DACH2: variants seen among roughly 807,000 people sequenced by gnomAD.
DACH2 encodes the protein dachshund family transcription factor 2.
Under a neutral mutation model 35.8 loss-of-function variants are expected in DACH2, and 17 were observed. The observed-to-expected ratio is 0.48, with a 90% confidence interval of 0.33 to 0.71. The LOEUF (loss-of-function observed/expected upper bound fraction) is 0.71, where lower values mean the gene tolerates loss of function less well. Ranked by LOEUF, DACH2 falls within the 30% of genes least tolerant of loss-of-function variation. The pLI is 0.02. For synonymous variants in DACH2, 195 were observed against 177.3 expected, an observed-to-expected ratio of 1.10 and a Z score of -0.79; for missense variants, 469 against 472.7, an observed-to-expected ratio of 0.99 and a Z score of 0.07.
chrX:86,180,157 CT>C (rs2031431099), intron 1 of DACH2, among the ~76,000 whole-genome samples: 2 of 63,844 alleles, frequency 3.1e-5, no homozygotes, highest in African/African-American at 5.4e-5. Context: ...TTAATGTCCC[CT>C]AGCAACCATG....
intron 1 of DACH2, among the ~76,000 whole-genome samples, chrX:86,182,454 A>G (rs2031526141): frequency 2.7e-5 from 3 of 111,801 alleles, no homozygotes; most frequent in African/African-American, 9.8e-5. Flanking sequence ...TCCTTTCCCC[A>G]TTGCTTGTTT....
At chrX:86,161,018 C>T (rs1353066152) in intron 1 of DACH2, 4 of 974,420 alleles carry the variant, frequency 4.1e-6, no homozygotes, top group South Asian at 3.9e-5. Flanking sequence ...CTTTCCATCC[C>T]TTGAACGAAG....
chrX:86,747,792 A>T (rs775721466), intron 7 of DACH2, among the ~76,000 whole-genome samples: 1 of 111,564 alleles, frequency 9.0e-6, no homozygotes, highest in Non-Finnish European at 1.9e-5. Flanking sequence ...GAAGTTTGCC[A>T]CATCAATTGA....
At chrX:86,787,955 C>G (rs2042153836) in intron 7 of DACH2, among the ~76,000 whole-genome samples, 2 of 111,064 alleles carry the variant, frequency 1.8e-5, no homozygotes, top group Non-Finnish European at 3.8e-5. Context: ...GAGGGCCAAG[C>G]GGGCAACTTG....
chrX:86,755,766 T>G (rs895647793), intron 7 of DACH2, among the ~76,000 whole-genome samples: 60 of 108,069 alleles, frequency 5.6e-4, no homozygotes, highest in African/African-American at 1.9e-3. Flanking sequence ...CCCGGCTAAT[T>G]TTTTGTATTT....
chrX:86,210,373 A>G (rs1458432239), intron 1 of DACH2, among the ~76,000 whole-genome samples: 1 of 111,289 alleles, frequency 9.0e-6, no homozygotes, highest in Non-Finnish European at 1.9e-5. Flanking sequence ...GGATGTGTAT[A>G]ATTTTTCTGA....
At chrX:86,433,295 A>G (rs1216585480) in intron 2 of DACH2, among the ~76,000 whole-genome samples, 1 of 111,760 alleles carries the variant, frequency 8.9e-6, no homozygotes, top group African/African-American at 3.2e-5. Context: ...TCCTGTAGTA[A>G]GATCTAGACA....
chrX:86,485,988 T>A (rs377061630), intron 2 of DACH2, among the ~76,000 whole-genome samples: 1 of 112,062 alleles, frequency 8.9e-6, no homozygotes, highest in South Asian at 3.7e-4. Flanking sequence ...TAACCATGTC[T>A]AAGTTTCTGG....
chrX:86,831,832 C>A, intron 11 of DACH2: 1 of 228,925 alleles, frequency 4.4e-6, no homozygotes, highest in Non-Finnish European at 7.7e-6. Context: ...TTATTACAGA[C>A]ATTATAATAT....
Position 86,698,519 on chromosome X carries a change from G to GTTTTTTTTTTTTTTTTTTTTTTTTTTTTT in DACH2, c.931+3341_931+3342insTTTTTTTTTTTTTTTTTTTTTTTTTTTTT, listed in dbSNP as rs1378300889. Among the ~76,000 whole-genome samples the GTTTTTTTTTTTTTTTTTTTTTTTTTTTTT allele has an allele frequency of 1.9e-4, 6 of 32,085 alleles. 1 individual carries two copies. Among genetic ancestry groups the GTTTTTTTTTTTTTTTTTTTTTTTTTTTTT allele is most frequent in the Admixed American group, 8.1e-4 (2 of 2,468 alleles). The allele number at this position is 32,085 out of a possible 115,157, so 27.9% of individuals were successfully genotyped here. On this transcript the variant is annotated intron_variant, in intron 5 of 11. Coordinates refer to ENST00000373125, the MANE Select transcript of DACH2 (RefSeq NM_053281.3). ...TTCTTCTTTTTGTTTTGTTAGTTTT[G>GTTTTTTTTTTTTTTTTTTTTTTTTTTTTT]TGTTTTTTTTTTTTTTTTTTTTTTT...
At chrX:86,444,567 A>T (rs1020856437) in intron 2 of DACH2, among the ~76,000 whole-genome samples, 6 of 111,420 alleles carry the variant, frequency 5.4e-5, no homozygotes, top group Non-Finnish European at 1.1e-4. Context: ...AATTTATCCA[A>T]TTTGTTGGTG....
chrX:86,285,338 G>T (rs1183729200), intron 1 of DACH2, among the ~76,000 whole-genome samples: 1 of 111,025 alleles, frequency 9.0e-6, no homozygotes, highest in African/African-American at 3.3e-5. Flanking sequence ...TCTTAGTACT[G>T]CTATTACTGT....
intron 1 of DACH2, among the ~76,000 whole-genome samples, chrX:86,338,625 G>C (rs1569355447): frequency 9.0e-6 from 1 of 111,468 alleles, no homozygotes; most frequent in Non-Finnish European, 1.9e-5. Flanking sequence ...GGAAAGATCG[G>C]AAATCAACAC....
chrX:86,398,889 T>G (rs1295487529), intron 2 of DACH2, among the ~76,000 whole-genome samples: 1 of 111,958 alleles, frequency 8.9e-6, no homozygotes, highest in Non-Finnish European at 1.9e-5. Context: ...TTTCTGTGGA[T>G]GTCTATTAGG....
At chrX:86,554,062 T>C (rs2148314492) in intron 3 of DACH2, among the ~76,000 whole-genome samples, 1 of 111,323 alleles carries the variant, frequency 9.0e-6, no homozygotes, top group Non-Finnish European at 1.9e-5. Flanking sequence ...TATGGCATAA[T>C]ATGTGTTTCT....
At chrX:86,213,065 T>C (rs1602290874) in intron 1 of DACH2, among the ~76,000 whole-genome samples, 1 of 111,547 alleles carries the variant, frequency 9.0e-6, no homozygotes, top group Non-Finnish European at 1.9e-5. Flanking sequence ...AGTATTATAT[T>C]AGTATTTATT....
At chrX:86,417,124 A>T (rs1317021647) in intron 2 of DACH2, among the ~76,000 whole-genome samples, 3 of 99,954 alleles carry the variant, frequency 3.0e-5, no homozygotes, top group African/African-American at 1.1e-4. Context: ...AAGAAACCAC[A>T]GTCAGATCTC....
At chrX:86,220,198 T>G (rs7061130) in intron 1 of DACH2, among the ~76,000 whole-genome samples, 13,240 of 99,329 alleles carry the variant, frequency 0.13, 2,784 homozygotes, top group African/African-American at 0.51. Context: ...AAAATTTCCC[T>G]CCCCTTTGTT....
At chrX:86,526,323 A>C (rs1322702411) in intron 3 of DACH2, among the ~76,000 whole-genome samples, 1 of 111,912 alleles carries the variant, frequency 8.9e-6, no homozygotes, top group Non-Finnish European at 1.9e-5. Flanking sequence ...AATGAGTAAC[A>C]AAATGTATCC....
Sources: allele counts gnomAD v4.1 joint callset (sites outside exome capture counted in the v4.1 genomes callset), GRCh38; gene constraint gnomAD v4.1.1; transcripts MANE v1.5; gene names NCBI Gene and HGNC (gene_info 2026-07-23, HGNC 2026-07-21).